The following IL1RAPL1 variants were observed in gnomAD, a reference collection of about 807,000 sequenced individuals.
The protein encoded by IL1RAPL1 is interleukin-1 receptor accessory protein-like 1.
In IL1RAPL1, 3 loss-of-function variants were observed where a neutral mutation model predicts 48.4. The ratio of observed to expected loss-of-function variants is 0.06; its 90% CI spans 0.03 to 0.16. The LOEUF (loss-of-function observed/expected upper bound fraction) is 0.16, where lower values mean the gene tolerates loss of function less well. Ranked by LOEUF, IL1RAPL1 falls within the 10% of genes least tolerant of loss-of-function variation. The pLI, the probability that IL1RAPL1 is intolerant of heterozygous loss-of-function variation, is 1.00. For missense variants in IL1RAPL1, 349 were observed against 530.6 expected (o/e 0.66, Z 3.36); for synonymous variants, 185 against 187.7 (o/e 0.99, Z 0.12).
intron 2 of IL1RAPL1, among the ~76,000 whole-genome samples, chrX:29,210,908 G>A (rs763058514): frequency 3.3e-4 from 37 of 112,134 alleles, no homozygotes; most frequent in African/African-American, 1.2e-3. Context: ...GTTTTGCCAC[G>A]TCTCAGTCTT....
chrX:29,476,872 C>CTTTTTTTTTTTTTTTTTTTTTTTTTTT lies in IL1RAPL1; in HGVS notation c.703+77583_703+77584insTTTTTTTTTTTTTTTTTTTTTTTTTTT, dbSNP rs1198120274. ...GACTCATTTACTTTTTACCCATATTCTTTTTTTTTTTTTTTTTTTGAGACG... is the reference window on the plus strand; with the variant it reads ...GACTCATTTACTTTTTACCCATATTCTTTTTTTTTTTTTTTTTTTTTTTTTTTTTTTTTTTTTTTTTTTTTTGAGACG... On this transcript the variant is annotated intron_variant, in intron 5 of 10. Transcript: ENST00000378993. Among the ~76,000 whole-genome samples, 6 of 53,901 alleles carry CTTTTTTTTTTTTTTTTTTTTTTTTTTT rather than the reference C, an allele frequency of 1.1e-4. 2 individuals are homozygous for CTTTTTTTTTTTTTTTTTTTTTTTTTTT. The highest frequency in any genetic ancestry group is 8.2e-4 in the African/African-American group (6 of 7,327). The allele number at this position is 53,901 out of a possible 115,157, so 46.8% of individuals were successfully genotyped here.
chrX:29,024,019 T>G (rs1455099374), intron 2 of IL1RAPL1, among the ~76,000 whole-genome samples: 1 of 111,930 alleles, frequency 8.9e-6, no homozygotes, highest in Admixed American at 9.5e-5. Flanking sequence ...CTTATTGAGT[T>G]TATGCCTGTG....
chrX:28,975,239 G>T (rs970179712), intron 2 of IL1RAPL1, among the ~76,000 whole-genome samples: 3 of 111,618 alleles, frequency 2.7e-5, no homozygotes, highest in African/African-American at 9.8e-5. Flanking sequence ...CCCTCTATCA[G>T]TGTACTCCCT....
intron 2 of IL1RAPL1, among the ~76,000 whole-genome samples, chrX:29,109,348 T>C (rs1420754319): frequency 7.4e-5 from 8 of 108,322 alleles, no homozygotes; most frequent in Non-Finnish European, 1.1e-4. Flanking sequence ...ACATGAAGAT[T>C]AAGCTTGGGG....
At chrX:28,896,663 C>T (rs111342872) in intron 2 of IL1RAPL1, among the ~76,000 whole-genome samples, 36 of 110,118 alleles carry the variant, frequency 3.3e-4, no homozygotes, top group African/African-American at 1.1e-3. Context: ...GGACCTGGCT[C>T]GGCCTGGCGA....
intron 2 of IL1RAPL1, among the ~76,000 whole-genome samples, chrX:28,917,156 C>A (rs184123064): frequency 9.0e-6 from 1 of 111,430 alleles, no homozygotes; most frequent in East Asian, 2.8e-4. Flanking sequence ...ACTTCATTGC[C>A]TGAGGGAAGA....
chrX:29,015,549 T>A (rs951540329), intron 2 of IL1RAPL1, among the ~76,000 whole-genome samples: 3 of 111,348 alleles, frequency 2.7e-5, no homozygotes, highest in African/African-American at 9.8e-5. Context: ...TACCTTATAT[T>A]AGACTTAAGC....
chrX:29,936,831 G>A (rs1408037011), intron 8 of IL1RAPL1, among the ~76,000 whole-genome samples: 1 of 111,485 alleles, frequency 9.0e-6, no homozygotes, highest in Non-Finnish European at 1.9e-5. Context: ...TTAATTAGCT[G>A]TTTCTTTTAA....
chrX:29,915,222 G>A (rs1395542028), intron 6 of IL1RAPL1, among the ~76,000 whole-genome samples: 1 of 111,769 alleles, frequency 8.9e-6, no homozygotes, highest in African/African-American at 3.3e-5. Context: ...GCTTAAACCC[G>A]GGAGGCAGAG....
At chrX:28,783,719 T>G (rs986025751) in intron 1 of IL1RAPL1, among the ~76,000 whole-genome samples, 1 of 111,705 alleles carries the variant, frequency 9.0e-6, no homozygotes, top group Non-Finnish European at 1.9e-5. Flanking sequence ...CTACCTGTAA[T>G]CTCTTGCCCA....
At chrX:29,079,631 T>C (rs1341370182) in intron 2 of IL1RAPL1, among the ~76,000 whole-genome samples, 1 of 109,083 alleles carries the variant, frequency 9.2e-6, no homozygotes, top group African/African-American at 3.3e-5. Flanking sequence ...AGAAAAATCA[T>C]CCATTGCCAC....
chrX:29,602,550 C>A (rs756928825), intron 5 of IL1RAPL1, among the ~76,000 whole-genome samples: 26 of 112,641 alleles, frequency 2.3e-4, no homozygotes, highest in Non-Finnish European at 4.7e-4. Context: ...CACAGCCATT[C>A]GTACACTAAG....
chrX:29,263,472 A>C (rs1267468253), intron 2 of IL1RAPL1, among the ~76,000 whole-genome samples: 2 of 112,156 alleles, frequency 1.8e-5, no homozygotes, highest in Non-Finnish European at 3.8e-5. Context: ...GATAATGAGA[A>C]AAATCCAGAA....
intron 2 of IL1RAPL1, among the ~76,000 whole-genome samples, chrX:28,798,941 C>T (rs1010412417): frequency 2.7e-5 from 3 of 111,831 alleles, no homozygotes; most frequent in Non-Finnish European, 3.8e-5. Flanking sequence ...ATCTGCACTC[C>T]ACACATATAC....
chrX:29,062,139 G>A (rs1448565824), intron 2 of IL1RAPL1, among the ~76,000 whole-genome samples: 1 of 111,992 alleles, frequency 8.9e-6, no homozygotes, highest in Non-Finnish European at 1.9e-5. Flanking sequence ...TCCATTTCCT[G>A]ATTGGTTATA....
At chrX:29,416,462 G>T (rs974495733) in intron 5 of IL1RAPL1, among the ~76,000 whole-genome samples, 3 of 110,941 alleles carry the variant, frequency 2.7e-5, no homozygotes, top group Non-Finnish European at 3.8e-5. Context: ...CTTGAACTTG[G>T]GGGGGCAGAG....
intron 2 of IL1RAPL1, among the ~76,000 whole-genome samples, chrX:29,045,235 G>T (rs962948831): frequency 9.0e-6 from 1 of 111,599 alleles, no homozygotes; most frequent in African/African-American, 3.3e-5. Context: ...CAAAAGATTT[G>T]TTTTAACTTG....
intron 6 of IL1RAPL1, among the ~76,000 whole-genome samples, chrX:29,760,140 A>G (rs1928721086): frequency 9.0e-6 from 1 of 111,636 alleles, no homozygotes; most frequent in African/African-American, 3.3e-5. Flanking sequence ...AATCATTGCG[A>G]GATGGGGAGT....
At chrX:29,838,960 T>C (rs892923315) in intron 6 of IL1RAPL1, among the ~76,000 whole-genome samples, 23 of 111,760 alleles carry the variant, frequency 2.1e-4, no homozygotes, top group African/African-American at 7.5e-4. Context: ...CTGCTTCCTG[T>C]ATCTTCCATT....
Sources: gnomAD v4.1 joint callset for allele counts (sites outside exome capture counted in the v4.1 genomes callset) on GRCh38, gnomAD v4.1.1 for gene constraint, MANE v1.5 for transcripts, NCBI Gene and HGNC (gene_info 2026-07-23, HGNC 2026-07-21) for gene names.